The following GRIK3 variants were observed in gnomAD, a reference collection of about 807,000 sequenced individuals.
The protein encoded by GRIK3 is glutamate ionotropic receptor kainate type subunit 3.
A neutral mutation model predicts 102.5 loss-of-function variants in GRIK3; 29 were observed. The observed-to-expected ratio is 0.28, with a 90% CI of 0.21 to 0.39. The LOEUF (loss-of-function observed/expected upper bound fraction) is 0.39. GRIK3 is among the 10% of genes least tolerant of loss of function. The probability of loss-of-function intolerance (pLI) is 1.00; values close to 1 mark genes in which losing one functional copy is unlikely to be tolerated. For missense variants in GRIK3, 908 were observed against 1,252.4 expected (o/e 0.73, Z 4.15); for synonymous variants, 511 against 504.9 (o/e 1.01, Z -0.16).
intron 4 of GRIK3, among the ~76,000 whole-genome samples, chr1:36,870,873 A>G (rs1210361508): frequency 1.3e-5 from 2 of 151,540 alleles, no homozygotes; most frequent in Non-Finnish European, 2.9e-5. Context: ...CGAGTAAACC[A>G]AAGCTGTGAT....
intron 13 of GRIK3, among the ~76,000 whole-genome samples, chr1:36,809,290 T>A (rs996970505): frequency 2.0e-5 from 3 of 152,086 alleles, no homozygotes; most frequent in African/African-American, 7.2e-5. Context: ...TACATACTAG[T>A]TAATTCAACT....
chr1:36,891,781 A>G (rs1239035034), intron 1 of GRIK3, among the ~76,000 whole-genome samples: 1 of 152,212 alleles, frequency 6.6e-6, no homozygotes, highest in Non-Finnish European at 1.5e-5. Flanking sequence ...AAAGAAAGAA[A>G]TTCTTATTTG....
At chr1:36,937,517 T>C (rs1312130194) in intron 1 of GRIK3, among the ~76,000 whole-genome samples, 1 of 152,152 alleles carries the variant, frequency 6.6e-6, no homozygotes, top group East Asian at 1.9e-4. Context: ...TTTATTGTGA[T>C]TCAGTGAAAC....
intron 1 of GRIK3, among the ~76,000 whole-genome samples, chr1:37,025,696 T>C (rs561589516): frequency 6.6e-6 from 1 of 152,356 alleles, no homozygotes; most frequent in South Asian, 2.1e-4. Flanking sequence ...CCTGCAGTTG[T>C]TCTGAGAACT....
At chr1:36,925,880 G>A (rs933885960) in intron 1 of GRIK3, among the ~76,000 whole-genome samples, 2 of 152,158 alleles carry the variant, frequency 1.3e-5, no homozygotes, top group African/African-American at 4.8e-5. Flanking sequence ...GTCCACTTGG[G>A]GACCTGGGCC....
intron 13 of GRIK3, among the ~76,000 whole-genome samples, chr1:36,809,316 C>G (rs901259511): frequency 2.0e-5 from 3 of 152,118 alleles, no homozygotes; most frequent in Admixed American, 6.5e-5. Context: ...GACTATCCAC[C>G]TATCTATTAC....
At chr1:37,002,060 A>C (rs1360575170) in intron 1 of GRIK3, among the ~76,000 whole-genome samples, 1 of 152,170 alleles carries the variant, frequency 6.6e-6, no homozygotes, top group Non-Finnish European at 1.5e-5. Context: ...ACAAGCATCC[A>C]AAGGGGAGTG....
chr1:36,975,029 AGAG>A, intron 1 of GRIK3, among the ~76,000 whole-genome samples: 1 of 152,262 alleles, frequency 6.6e-6, no homozygotes, highest in South Asian at 2.1e-4. Context: ...TCATGGGTAC[AGAG>A]TTTCTGTTTG....
chr1:36,964,931 A>G (rs1642063740), intron 1 of GRIK3, among the ~76,000 whole-genome samples: 1 of 152,224 alleles, frequency 6.6e-6, no homozygotes, highest in Non-Finnish European at 1.5e-5. Context: ...TCAGTTTCCT[A>G]GGAAAGGTTT....
chr1:36,976,098 T>C (rs1218182669), intron 1 of GRIK3, among the ~76,000 whole-genome samples: 1 of 152,158 alleles, frequency 6.6e-6, no homozygotes, highest in Non-Finnish European at 1.5e-5. Flanking sequence ...TGGGTTCTCC[T>C]GCTTGGCTAC....
At chr1:36,974,034 G>T (rs941941923) in intron 1 of GRIK3, among the ~76,000 whole-genome samples, 3 of 152,102 alleles carry the variant, frequency 2.0e-5, no homozygotes, top group African/African-American at 7.2e-5. Flanking sequence ...TGTTTTGCTC[G>T]GTTCTTCAGG....
intron 1 of GRIK3, among the ~76,000 whole-genome samples, chr1:36,910,145 G>A (rs992685927): frequency 2.6e-5 from 4 of 152,230 alleles, no homozygotes; most frequent in African/African-American, 9.6e-5. Flanking sequence ...CTGGCCCAGA[G>A]TGCAGTGAGC....
At chr1:36,959,351 C>CGTGAGCCTGTGTGCCCT (rs1641970722) in intron 1 of GRIK3, among the ~76,000 whole-genome samples, 1 of 118,126 alleles carries the variant, frequency 8.5e-6, no homozygotes, top group Non-Finnish European at 1.8e-5. Context: ...CTGTGTGTCC[C>CGTGAGCCTGTGTGCCCT]GTGAGCCTGT....
At chr1:36,907,673 A>G (rs1259556805) in intron 1 of GRIK3, among the ~76,000 whole-genome samples, 1 of 152,110 alleles carries the variant, frequency 6.6e-6, no homozygotes, top group African/African-American at 2.4e-5. Context: ...CCTCAGAGAC[A>G]TGGTGGGTGA....
intron 1 of GRIK3, among the ~76,000 whole-genome samples, chr1:37,004,494 C>T (rs1180004400): frequency 6.6e-6 from 1 of 152,138 alleles, no homozygotes; most frequent in Non-Finnish European, 1.5e-5. Context: ...AGACTCCCAG[C>T]CCCCACTTTC....
At chr1:36,930,029 C>T (rs1200460769) in intron 1 of GRIK3, among the ~76,000 whole-genome samples, 1 of 152,234 alleles carries the variant, frequency 6.6e-6, no homozygotes, top group East Asian at 1.9e-4. Context: ...TCATGACATG[C>T]TTCCCAAGAA....
chr1:36,852,738 C>A (rs1640599410), intron 8 of GRIK3, among the ~76,000 whole-genome samples: 1 of 152,238 alleles, frequency 6.6e-6, no homozygotes, highest in Admixed American at 6.5e-5. Context: ...ACTCTGCTGG[C>A]TTCTGCTCAC....
chr1:37,034,001 G>T lies in GRIK3; in HGVS notation c.108C>A (p.Ile36=), dbSNP rs1159680370. 2.5e-6 allele frequency: 4 copies of T among 1,587,476 alleles called. No individual in the cohort carries two copies. The highest frequency in any genetic ancestry group is 3.4e-6 in the Non-Finnish European group (4 of 1,165,102). ...GCTCCAGGGAGCGCTTACCGATCCG[G>T]ATGACGTGGGGCATCCCGCGCGAGT... ...IPDSRGMPHV[I]RIGGIFEYAD... Residue 36 remains isoleucine (I), a synonymous_variant, in exon 1 of 16, where the codon ATC becomes ATA. Transcript: ENST00000373091.
chr1:36,836,669 A>G (rs1640382813), intron 10 of GRIK3, among the ~76,000 whole-genome samples: 2 of 152,216 alleles, frequency 1.3e-5, no homozygotes, highest in South Asian at 4.1e-4. Flanking sequence ...GTCCAGCCCC[A>G]TCTATGAGGC....
Sources: allele counts gnomAD v4.1 joint callset (sites outside exome capture counted in the v4.1 genomes callset), GRCh38; gene constraint gnomAD v4.1.1; transcripts MANE v1.5; gene names NCBI Gene and HGNC (gene_info 2026-07-23, HGNC 2026-07-21).